The following CEP164 variants were observed in gnomAD, a reference collection of about 807,000 sequenced individuals.
The protein encoded by CEP164 is centrosomal protein 164, also known as centrosomal protein of 164 kDa.
In CEP164, 162 loss-of-function variants were observed where a neutral mutation model predicts 182.7. The observed-to-expected ratio is 0.89, with a 90% confidence interval of 0.78 to 1.01. The LOEUF (loss-of-function observed/expected upper bound fraction) is 1.01, where lower values mean the gene tolerates loss of function less well. Ranked by LOEUF, CEP164 falls within the 50% of genes least tolerant of loss-of-function variation. The probability of loss-of-function intolerance (pLI) is 0.00; values close to 1 mark genes in which losing one functional copy is unlikely to be tolerated. For synonymous variants in CEP164, 661 were observed against 690.0 expected (o/e 0.96, Z 0.66); for missense variants, 1,735 against 1,790.4 (o/e 0.97, Z 0.56).
At chr11:117,355,860 T>C (rs2135532406) in intron 5 of CEP164, 1 of 1,056,054 alleles carries the variant, frequency 9.5e-7, no homozygotes, top group Non-Finnish European at 1.1e-6. Flanking sequence ...CCTGAAACCC[T>C]GGCATCAGAA....
chr11:117,359,293 G>A lies in CEP164; in HGVS notation c.394-2542G>A, dbSNP rs1168265089. The A allele has an allele frequency of 1.1e-5, 6 of 556,412 alleles. No homozygotes were observed. In the South Asian group the frequency reaches 2.4e-4, roughly 22 times the overall value. The allele number at this position is 556,412 out of a possible 1,614,324, so 34.5% of individuals were successfully genotyped here. Reference sequence around the variant, plus strand: ...ACCTCCGTTTGCTCGTATGGGGACTGTGGATAATGGCAGAGCCAGTCTCAG... The same window carrying A: ...ACCTCCGTTTGCTCGTATGGGGACTATGGATAATGGCAGAGCCAGTCTCAG... On this transcript the variant is annotated intron_variant, in intron 5 of 32. Transcript: ENST00000278935.
chr11:117,369,870 G>C (rs549796097), intron 8 of CEP164, among the ~76,000 whole-genome samples: 8 of 152,238 alleles, frequency 5.3e-5, no homozygotes, highest in Non-Finnish European at 1.0e-4. Context: ...TGTATGTGAG[G>C]AGCAGGGCTT....
rs776927406 is a variant in CEP164 at position 117,407,954 on chromosome 11, G to A, written c.3531G>A (p.Ser1177=). The A allele has an allele frequency of 6.9e-6, 11 of 1,599,936 alleles. No homozygotes were observed. In the Admixed American group the frequency reaches 6.9e-5, roughly 10 times the overall value. ...KETRHLDEMK[S]AMRKGHNLLK... is the part of the protein sequence containing the mutation. Reference sequence around the variant, plus strand: ...CCAGGCACCTGGATGAGATGAAGTCGGCCATGCGGAAAGGCCACAACCTGC... The same window carrying A: ...CCAGGCACCTGGATGAGATGAAGTCAGCCATGCGGAAAGGCCACAACCTGC... Residue 1177 remains serine, a synonymous_variant, in exon 28 of 33, where the codon TCG becomes TCA. Transcript: ENST00000278935.
chr11:117,398,687 C>T (rs1041641175), intron 27 of CEP164, among the ~76,000 whole-genome samples: 2 of 152,254 alleles, frequency 1.3e-5, no homozygotes, highest in African/African-American at 4.8e-5. Flanking sequence ...GGCTTGCATC[C>T]TCTGAAACCA....
intron 27 of CEP164, among the ~76,000 whole-genome samples, chr11:117,407,617 C>G (rs558823667): frequency 6.6e-6 from 1 of 152,068 alleles, no homozygotes; most frequent in African/African-American, 2.4e-5. Flanking sequence ...CAGGCCACTG[C>G]ACTCCAGCCT....
At position 117,397,291 on chromosome 11, in the gene CEP164, A is replaced by C. The variant is rs2045598987; in HGVS notation, c.3479A>C (p.Asp1160Ala). The change falls in exon 27 of 33, where the codon GAT (aspartate) becomes GCT (alanine). Residue 1160 changes from aspartate (D) to alanine (A), a missense_variant. Transcript: ENST00000278935. ...KDPPGIKALE[D>A]MRKNLEKETR... ...CCACCAGGCATCAAGGCCCTGGAAG[A>C]TATGCGCAAGAACCTGGAGAAGGTC... 6.2e-7 allele frequency: 1 copy of C among 1,613,194 alleles called. No homozygotes were observed. Among genetic ancestry groups the C allele is most frequent in the Non-Finnish European group, 8.5e-7 (1 of 1,179,882 alleles).
At chr11:117,332,304 G>T (rs775746158) in intron 1 of CEP164, among the ~76,000 whole-genome samples, 5 of 152,172 alleles carry the variant, frequency 3.3e-5, no homozygotes, top group Non-Finnish European at 5.9e-5. Context: ...GCCAGGCACG[G>T]TGGCTCACGC....
intron 3 of CEP164, 40 bp downstream of exon 3, chr11:117,338,708 G>T (rs751080922): frequency 1.4e-6 from 2 of 1,448,238 alleles, no homozygotes; most frequent in Non-Finnish European, 1.9e-6. Flanking sequence ...TATTGTGTTT[G>T]TTTTTTGAGG....
intron 5 of CEP164, among the ~76,000 whole-genome samples, chr11:117,361,333 C>T (rs1420616939): frequency 6.7e-5 from 10 of 149,544 alleles, no homozygotes; most frequent in East Asian, 5.9e-4. Flanking sequence ...CTCTGCCTCC[C>T]GGTTTCAAGT....
chr11:117,373,441 G>A (rs993070144), intron 9 of CEP164, among the ~76,000 whole-genome samples: 6 of 151,920 alleles, frequency 3.9e-5, no homozygotes, highest in Non-Finnish European at 7.4e-5. Flanking sequence ...ATCAGACTTC[G>A]GTACTGCCAC....
chr11:117,411,562 C>A lies in CEP164; in HGVS notation c.4164-233C>A. ...GCAGGCGGATGTGGGAGCCCAGAGCCTTGTATCAGTAGCACCCAGCAAGGG... is the reference window on the plus strand; with the variant it reads ...GCAGGCGGATGTGGGAGCCCAGAGCATTGTATCAGTAGCACCCAGCAAGGG... On this transcript the variant is annotated intron_variant, in intron 31 of 32. Transcript: ENST00000278935. This position sits in a 1 kb window ranked among gnomAD's most constrained non-coding sequence, Gnocchi z 4.4. The A allele has an allele frequency of 2.0e-6, 1 of 492,410 alleles. No homozygotes were observed. Among genetic ancestry groups the A allele is most frequent in the Non-Finnish European group, 3.6e-6 (1 of 274,904 alleles). 30.5% of individuals were successfully genotyped at this position (492,410 alleles called of 1,614,324 possible). A position where few individuals can be genotyped will look rare whatever the true frequency, so the allele number is the denominator to read the frequency against.
intron 13 of CEP164, among the ~76,000 whole-genome samples, chr11:117,382,410 A>T (rs1351297736): frequency 6.6e-6 from 1 of 152,154 alleles, no homozygotes; most frequent in Non-Finnish European, 1.5e-5. Context: ...CCTAGTCAAG[A>T]GCGTGGTGGA....
chr11:117,363,378 G>T (rs1291920060), intron 7 of CEP164, 51 bp from the exon 8 acceptor site: 7 of 1,391,100 alleles, frequency 5.0e-6, no homozygotes, highest in Non-Finnish European at 6.1e-6. Context: ...CCCTCACCCT[G>T]GGTTGACCAG....
chr11:117,369,896 G>T (rs767773144), intron 8 of CEP164, among the ~76,000 whole-genome samples: 1 of 152,208 alleles, frequency 6.6e-6, no homozygotes, highest in Non-Finnish European at 1.5e-5. Flanking sequence ...CTGTAGAGAC[G>T]CACTGCTCAG....
intron 1 of CEP164, among the ~76,000 whole-genome samples, chr11:117,328,737 C>T (rs918433647): frequency 3.3e-5 from 5 of 152,214 alleles, no homozygotes; most frequent in Non-Finnish European, 5.9e-5. Flanking sequence ...CCAAGTCTGT[C>T]CCTTTAATTT....
upstream of CEP164, among the ~76,000 whole-genome samples, chr11:117,327,007 T>C (rs746102553): frequency 4.6e-5 from 7 of 152,252 alleles, no homozygotes; most frequent in African/African-American, 7.2e-5. Flanking sequence ...AGTAGCAACC[T>C]TTCTGCCCGA....
intron 2 of CEP164, among the ~76,000 whole-genome samples, chr11:117,337,598 T>G (rs1445450336): frequency 2.0e-5 from 3 of 152,018 alleles, no homozygotes; most frequent in Non-Finnish European, 4.4e-5. Flanking sequence ...CTGGTCCTAT[T>G]AAGCTTAACA....
intron 3 of CEP164, among the ~76,000 whole-genome samples, chr11:117,340,625 C>T (rs945237510): frequency 3.9e-5 from 6 of 152,086 alleles, no homozygotes; most frequent in South Asian, 4.1e-4. Context: ...GCCTTGAACT[C>T]GTGGGCTCAG....
In CEP164 at chr11:117,371,482, C is replaced by T. The variant is rs375703035; in HGVS notation, c.1152+16C>T. ...CGCCAGCCAAGTAAGTCACTGTATCCCATAGGCAGGGGTTGGCTGTAGCCC... is the reference window on the plus strand; with the variant it reads ...CGCCAGCCAAGTAAGTCACTGTATCTCATAGGCAGGGGTTGGCTGTAGCCC... On this transcript the variant is annotated intron_variant, in intron 9 of 32. Transcript: ENST00000278935. 4.8e-5 allele frequency: 76 copies of T among 1,594,048 alleles called. 3 individuals carry two copies. In the African/African-American group the frequency reaches 9.3e-4, roughly 19 times the overall value.
Sources: allele counts gnomAD v4.1 joint callset (sites outside exome capture counted in the v4.1 genomes callset), GRCh38; gene constraint gnomAD v4.1.1; non-coding constraint Gnocchi (gnomAD v3.1); transcripts MANE v1.5; gene names NCBI Gene and HGNC (gene_info 2026-07-23, HGNC 2026-07-21).